KIAA1549: variants seen among roughly 807,000 people sequenced by gnomAD.
The protein encoded by KIAA1549 is UPF0606 protein KIAA1549.
KIAA1549 carries 70 observed loss-of-function variants against 156.4 expected under a neutral mutation model. The ratio of observed to expected loss-of-function variants is 0.45; its 90% CI spans 0.37 to 0.55. The LOEUF (loss-of-function observed/expected upper bound fraction) is 0.55, where lower values mean the gene tolerates loss of function less well. Among genes scored for constraint, KIAA1549 ranks in the 20% least tolerant of loss-of-function variants. The pLI is 0.00. For missense variants in KIAA1549, 2,428 were observed against 2,540.9 expected (o/e 0.96, Z 0.96); for synonymous variants, 1,103 against 1,066.4 (o/e 1.03, Z -0.67).
intron 13 of KIAA1549, 24 bp downstream of exon 13, chr7:138,871,133 A>T: frequency 6.2e-7 from 1 of 1,603,992 alleles, no homozygotes; most frequent in Non-Finnish European, 8.5e-7. Context: ...TTTAAGTAAC[A>T]GACTTTTAAA....
At chr7:138,894,576 A>C in intron 9 of KIAA1549, 50 bp from the exon 10 acceptor site, 2 of 1,562,454 alleles carry the variant, frequency 1.3e-6, no homozygotes, top group Non-Finnish European at 8.8e-7. Context: ...TCACTCATGC[A>C]CTAGATTGCA....
intron 16 of KIAA1549, among the ~76,000 whole-genome samples, chr7:138,856,035 TA>T (rs1407568133): frequency 2.0e-4 from 30 of 150,438 alleles, no homozygotes; most frequent in Middle Eastern, 3.4e-3. Context: ...TTATTTATTT[TA>T]TTTTTTTTTT....
intron 17 of KIAA1549, among the ~76,000 whole-genome samples, chr7:138,845,499 T>C (rs562714219): frequency 3.8e-4 from 58 of 152,318 alleles, no homozygotes; most frequent in African/African-American, 1.4e-3. Flanking sequence ...TCAGTTGCAA[T>C]ATGGAATCTG....
chr7:138,858,366 G>A (rs955347386), intron 16 of KIAA1549, among the ~76,000 whole-genome samples: 1 of 152,198 alleles, frequency 6.6e-6, no homozygotes, highest in East Asian at 1.9e-4. Context: ...AAGGTGCTGG[G>A]ATTACAGGTG....
In KIAA1549 at chr7:138,835,766, T is replaced by C. The variant is rs10435435; in HGVS notation, c.*2140A>G. On this transcript the variant is annotated 3_prime_UTR_variant, in exon 20 of 20. Transcript: ENST00000422774. ...GTATTAAACCAAGACCAAGAGAAAT[T>C]TGGTATTAAACCAAAACCAAGACAT... 29,750 of 220,240 alleles carry C rather than the reference T, an allele frequency of 0.14. 2,556 individuals are homozygous for C. The highest frequency in any genetic ancestry group is 0.32 in the East Asian group (4,761 of 14,974). 13.6% of individuals were successfully genotyped at this position (220,240 alleles called of 1,614,324 possible).
intron 19 of KIAA1549, among the ~76,000 whole-genome samples, chr7:138,839,881 G>A (rs986407779): frequency 1.5e-5 from 2 of 133,326 alleles, no homozygotes; most frequent in Admixed American, 9.0e-5. Flanking sequence ...TCCATCTCCC[G>A]GGTTCAAGTG....
intron 1 of KIAA1549, among the ~76,000 whole-genome samples, chr7:138,951,497 G>A (rs1368316262): frequency 6.6e-6 from 1 of 152,154 alleles, no homozygotes; most frequent in Non-Finnish European, 1.5e-5. Flanking sequence ...TGAATGGTCT[G>A]CTTACACAGG....
chr7:138,834,307 C>T lies in KIAA1549; in HGVS notation c.*3599G>A, dbSNP rs1809639145. On this transcript the variant is annotated 3_prime_UTR_variant, in exon 20 of 20. Transcript: ENST00000422774. ...GGACTACAGGCATGCGCCACCACAC[C>T]CAGCTAGTTTTTGTATTTTTTTGTA... 5.3e-6 allele frequency: 1 copy of T among 188,728 alleles called. No individual in the cohort carries two copies. The highest frequency in any genetic ancestry group is 1.1e-5 in the Non-Finnish European group (1 of 89,616). The allele number at this position is 188,728 out of a possible 1,614,324, so 11.7% of individuals were successfully genotyped here.
chr7:138,846,312 A>T (rs571652170), intron 17 of KIAA1549, among the ~76,000 whole-genome samples: 21 of 152,264 alleles, frequency 1.4e-4, no homozygotes, highest in Non-Finnish European at 8.8e-5. Flanking sequence ...AGGCGGGCAG[A>T]TCACCTGAGG....
rs758641716 is a variant in KIAA1549, at chr7:138,898,941, C to T, written c.3847+14G>A. The T allele has an allele frequency of 1.9e-6, 3 of 1,611,142 alleles. No homozygotes were observed. Among genetic ancestry groups the T allele is most frequent in the South Asian group, 2.2e-5 (2 of 90,946 alleles). On this transcript the variant is annotated intron_variant, in intron 9 of 19. Transcript: ENST00000422774. ...GCACAGCACAGCACAGACGACAACA[C>T]CTCAGGCACTTACGCTGGGCAATGA... is the stretch of plus-strand genomic sequence containing the variant.
At chr7:138,978,042 A>G (rs1814433614) in intron 1 of KIAA1549, among the ~76,000 whole-genome samples, 1 of 152,252 alleles carries the variant, frequency 6.6e-6, no homozygotes, top group Non-Finnish European at 1.5e-5. Flanking sequence ...CATTACTTAC[A>G]GCAACCCAAA....
chr7:138,866,888 G>C (rs946442579), intron 15 of KIAA1549, among the ~76,000 whole-genome samples: 4 of 152,042 alleles, frequency 2.6e-5, no homozygotes, highest in Non-Finnish European at 5.9e-5. Flanking sequence ...CTGCAGCCTC[G>C]ACCTCCTGGG....
chr7:138,880,562 C>CT (rs1381574233), intron 11 of KIAA1549, among the ~76,000 whole-genome samples: 7 of 152,032 alleles, frequency 4.6e-5, no homozygotes, highest in East Asian at 1.9e-4. Flanking sequence ...TGATCACACA[C>CT]TTTTTTTTGC....
chr7:138,948,268 A>T (rs1813391442), intron 1 of KIAA1549, among the ~76,000 whole-genome samples: 1 of 152,112 alleles, frequency 6.6e-6, no homozygotes, highest in Admixed American at 6.6e-5. Context: ...AAAATGGGGG[A>T]ATTCGGACAC....
In KIAA1549 at chr7:138,916,801, T is replaced by C; in HGVS notation, c.2825A>G (p.Lys942Arg). Residue 942 changes from lysine (K) to arginine (R), a missense_variant, in exon 2 of 20, where the codon AAG becomes AGG. Transcript: ENST00000422774. The stretch of plus-strand genomic sequence containing the variant: ...TGTGATATCACAAACATATGGCGGC[T>C]TGGCAGTAGCCAGTGTTGGTGTGTC... ...TVDTPTLATA[K>R]PPYVCDITVP... 1 of 1,613,922 alleles carries C rather than the reference T, an allele frequency of 6.2e-7. No individual in the cohort carries two copies. The highest frequency in any genetic ancestry group is 1.3e-5 in the African/African-American group (1 of 75,052).
intron 15 of KIAA1549, among the ~76,000 whole-genome samples, chr7:138,861,864 T>G (rs1382556638): frequency 1.3e-5 from 2 of 151,956 alleles, no homozygotes; most frequent in Admixed American, 6.6e-5. Flanking sequence ...GAGTGAGACC[T>G]TGTCTCAAAA....
intron 18 of KIAA1549, 69 bp from the exon 19 acceptor site, chr7:138,840,347 C>G: frequency 7.0e-7 from 1 of 1,420,624 alleles, no homozygotes; most frequent in Non-Finnish European, 9.7e-7. Context: ...GGATGGCTGC[C>G]GAGGAAGACA....
At chr7:138,886,150 G>A (rs911955102) in intron 10 of KIAA1549, among the ~76,000 whole-genome samples, 46 of 152,140 alleles carry the variant, frequency 3.0e-4, no homozygotes, top group African/African-American at 1.1e-3. Flanking sequence ...AAAAGACAAA[G>A]GCCAAACAGA....
In KIAA1549 at chr7:138,836,027, T is replaced by G. The variant is rs965210951; in HGVS notation, c.*1879A>C. On this transcript the variant is annotated 3_prime_UTR_variant, in exon 20 of 20. Coordinates refer to ENST00000422774, the MANE Select transcript of KIAA1549 (RefSeq NM_001164665.2). ...GCTTCATTAATGAAGGGCTAAAACA[T>G]GGTTTTGAAATCCAGTGATTACACT... is the stretch of plus-strand genomic sequence containing the variant. 1 of 212,478 alleles carries G rather than the reference T, an allele frequency of 4.7e-6. No individual in the cohort carries two copies. Among genetic ancestry groups the G allele is most frequent in the Non-Finnish European group, 9.5e-6 (1 of 104,990 alleles). The allele number at this position is 212,478 out of a possible 1,614,324, so 13.2% of individuals were successfully genotyped here. A position where few individuals can be genotyped will look rare whatever the true frequency, so the allele number is the denominator to read the frequency against.
Sources: allele counts gnomAD v4.1 joint callset (sites outside exome capture counted in the v4.1 genomes callset), GRCh38; gene constraint gnomAD v4.1.1; transcripts MANE v1.5; gene names NCBI Gene and HGNC (gene_info 2026-07-23, HGNC 2026-07-21).